LRRC63: variants seen among roughly 807,000 people sequenced by gnomAD.
LRRC63 encodes the protein leucine-rich repeat-containing protein 63.
LRRC63 carries 40 observed loss-of-function variants against 49.5 expected under a neutral mutation model. The ratio of observed to expected loss-of-function variants is 0.81; its 90% CI spans 0.63 to 1.05. The LOEUF (loss-of-function observed/expected upper bound fraction) is 1.05. Among genes scored for constraint, LRRC63 ranks in the 50% least tolerant of loss-of-function variants. The pLI is 0.00. For missense variants in LRRC63, 636 were observed against 663.1 expected, an observed-to-expected ratio of 0.96 and a Z score of 0.45; for synonymous variants, 191 against 221.1, an observed-to-expected ratio of 0.86 and a Z score of 1.21.
intron 9 of LRRC63, among the ~76,000 whole-genome samples, 182 bp downstream of exon 9, chr13:46,267,154 A>C (rs1334891730): frequency 1.3e-5 from 2 of 152,214 alleles, no homozygotes; most frequent in Admixed American, 1.3e-4. Flanking sequence ...TGTAGTCTGA[A>C]TCCGGCCCCC....
At chr13:46,255,820 A>G (rs1300895109) in intron 7 of LRRC63, among the ~76,000 whole-genome samples, 1 of 152,008 alleles carries the variant, frequency 6.6e-6, no homozygotes. Context: ...TACTATCCAA[A>G]ACAAGATATG....
chr13:46,251,963 GA>G (rs1360493778), intron 7 of LRRC63, among the ~76,000 whole-genome samples: 1 of 151,840 alleles, frequency 6.6e-6, no homozygotes, highest in African/African-American at 2.4e-5. Context: ...AAAGTTTGCA[GA>G]AGCTATTTTT....
chr13:46,243,463 T>C (rs2047122487), intron 5 of LRRC63, among the ~76,000 whole-genome samples: 1 of 152,142 alleles, frequency 6.6e-6, no homozygotes, highest in Non-Finnish European at 1.5e-5. Context: ...AAACCTTGAA[T>C]ATAAGTAAAT....
At chr13:46,227,409 GT>G (rs1008522470) in intron 2 of LRRC63, 102 bp from the exon 3 acceptor site, 2 of 750,030 alleles carry the variant, frequency 2.7e-6, no homozygotes, top group African/African-American at 3.6e-5. Flanking sequence ...TTTTTAGAAG[GT>G]GAGAAAGGGG....
chr13:46,264,944 G>A (rs1158330907), intron 8 of LRRC63, among the ~76,000 whole-genome samples: 1 of 152,116 alleles, frequency 6.6e-6, no homozygotes, highest in Admixed American at 6.5e-5. Context: ...ATTGCCTGAG[G>A]TCAGGCATTC....
chr13:46,268,946 G>T (rs1280661653), intron 9 of LRRC63, among the ~76,000 whole-genome samples: 1 of 151,076 alleles, frequency 6.6e-6, no homozygotes, highest in African/African-American at 2.4e-5. Context: ...ACCTAATGTA[G>T]GAATATATTA....
chr13:46,246,022 A>G (rs985131135), intron 5 of LRRC63, among the ~76,000 whole-genome samples: 4 of 152,032 alleles, frequency 2.6e-5, no homozygotes. Context: ...GATCATGGGG[A>G]TGGATTTCCA....
chr13:46,234,044 T>C lies in LRRC63; in HGVS notation c.833-148T>C, dbSNP rs1004991291. On this transcript the variant is annotated intron_variant, in intron 4 of 9. Coordinates refer to ENST00000595396, the Ensembl canonical transcript of LRRC63. Reference sequence around the variant, plus strand: ...ACAGAACTAACTGAGTTTGGGTAGATGAAGGCTATGGGGAATCCCTGCCAG... The same window carrying C: ...ACAGAACTAACTGAGTTTGGGTAGACGAAGGCTATGGGGAATCCCTGCCAG... The C allele has an allele frequency of 1.0e-5, 7 of 667,676 alleles. No homozygotes were observed. The African/African-American group carries it at 1.1e-4, about 11-fold the overall frequency. The allele number at this position is 667,676 out of a possible 1,614,324, so 41.4% of individuals were successfully genotyped here.
chr13:46,231,529 A>T (rs1437443906), intron 4 of LRRC63, among the ~76,000 whole-genome samples: 1 of 150,682 alleles, frequency 6.6e-6, no homozygotes, highest in Non-Finnish European at 1.5e-5. Context: ...TTTTTTTTTT[A>T]GACAGAGTCT....
intron 2 of LRRC63, 81 bp downstream of exon 2, chr13:46,213,200 C>A: frequency 3.6e-6 from 3 of 844,810 alleles, no homozygotes; most frequent in Non-Finnish European, 5.5e-6. Context: ...CTCAGAATCA[C>A]AATAAATACA....
At chr13:46,222,595 A>T (rs1164118460) in intron 2 of LRRC63, among the ~76,000 whole-genome samples, 4 of 152,054 alleles carry the variant, frequency 2.6e-5, no homozygotes, top group Non-Finnish European at 4.4e-5. Flanking sequence ...AAATAAGAAC[A>T]CTTTTACACT....
chr13:46,243,964 A>G (rs1193293845), intron 5 of LRRC63, among the ~76,000 whole-genome samples: 1 of 152,246 alleles, frequency 6.6e-6, no homozygotes, highest in Non-Finnish European at 1.5e-5. Flanking sequence ...TCTCAAGCTT[A>G]TCTCTACTAC....
At chr13:46,218,238 G>A (rs928726729) in intron 2 of LRRC63, among the ~76,000 whole-genome samples, 1 of 152,174 alleles carries the variant, frequency 6.6e-6, no homozygotes, top group Non-Finnish European at 1.5e-5. Flanking sequence ...GGGAGTCTAA[G>A]TCTCTTTGAA....
chr13:46,230,378 G>A (rs1365225997), intron 4 of LRRC63, among the ~76,000 whole-genome samples: 1 of 152,180 alleles, frequency 6.6e-6, no homozygotes, highest in Non-Finnish European at 1.5e-5. Context: ...AAGGAGAATT[G>A]ACTCACCATC....
intron 9 of LRRC63, among the ~76,000 whole-genome samples, chr13:46,271,721 TAA>T (rs56215272): frequency 6.8e-5 from 9 of 131,974 alleles, no homozygotes; most frequent in East Asian, 2.2e-4. Context: ...TCATTTAAAC[TAA>T]AAAAAAAAAA....
chr13:46,261,527 C>T (rs1594092877), intron 7 of LRRC63, among the ~76,000 whole-genome samples: 1 of 152,142 alleles, frequency 6.6e-6, no homozygotes, highest in Non-Finnish European at 1.5e-5. Context: ...GGGAACCAGC[C>T]CTGCTAATAC....
rs182021734 is a variant in LRRC63 at position 46,219,477 on chromosome 13, T to A, written c.85+6358T>A. Among the ~76,000 whole-genome samples the A allele has an allele frequency of 3.9e-5, 6 of 152,326 alleles. No individual in the cohort carries two copies. The East Asian group carries it at 1.2e-3, about 29-fold the overall frequency. On this transcript the variant is annotated intron_variant, in intron 2 of 9. Transcript: ENST00000595396. ...AGTTCATTTAGCTTCTCTAAACTGGTTATTCTAGTTAGCAATTCATCTAAC... is the reference window on the plus strand; with the variant it reads ...AGTTCATTTAGCTTCTCTAAACTGGATATTCTAGTTAGCAATTCATCTAAC...
chr13:46,219,365 T>C (rs2138360415), intron 2 of LRRC63, among the ~76,000 whole-genome samples: 1 of 152,384 alleles, frequency 6.6e-6, no homozygotes, highest in Admixed American at 6.5e-5. Context: ...CTTCAGTCTC[T>C]GATATCCTTT....
At chr13:46,227,636 C>T (rs1312241439) in exon 3 of LRRC63, 1 of 1,550,008 alleles carries the variant, frequency 6.5e-7, no homozygotes, top group Admixed American at 2.0e-5. Context: ...CTATCAATAT[C>T]CAAAATATCT....
Sources: allele counts gnomAD v4.1 joint callset (sites outside exome capture counted in the v4.1 genomes callset), GRCh38; gene constraint gnomAD v4.1.1; transcripts MANE v1.5; gene names NCBI Gene and HGNC (gene_info 2026-07-23, HGNC 2026-07-21).